The following LITAF variants were observed in gnomAD, a reference collection of about 807,000 sequenced individuals.
LITAF encodes lipopolysaccharide induced TNF factor, also known as lipopolysaccharide-induced tumor necrosis factor-alpha factor.
Under a neutral mutation model 14.5 loss-of-function variants are expected in LITAF, and 9 were observed. The observed-to-expected ratio is 0.62, with a 90% CI of 0.37 to 1.08. LITAF has a LOEUF of 1.08. Ranked by LOEUF, LITAF falls within the 50% of genes least tolerant of loss-of-function variation. LITAF has a pLI of 0.01. For synonymous variants in LITAF, 98 were observed against 88.2 expected, an observed-to-expected ratio of 1.11 and a Z score of -0.62; for missense variants, 206 against 213.4, an observed-to-expected ratio of 0.97 and a Z score of 0.22.
intron 1 of LITAF, among the ~76,000 whole-genome samples, chr16:11,563,926 A>C (rs1019908796): frequency 6.6e-6 from 1 of 152,146 alleles, no homozygotes; most frequent in Non-Finnish European, 1.5e-5. Flanking sequence ...TTTTTGTTTG[A>C]GACAGAGTCT....
intron 1 of LITAF, among the ~76,000 whole-genome samples, chr16:11,592,367 G>C (rs764236275): frequency 6.6e-6 from 1 of 152,138 alleles, no homozygotes; most frequent in Non-Finnish European, 1.5e-5. Flanking sequence ...CCAGAGGTCA[G>C]GAGTTTGAGA....
chr16:11,612,561 G>A (rs759617023), intron 3 of LITAF, among the ~76,000 whole-genome samples: 1 of 152,198 alleles, frequency 6.6e-6, no homozygotes, highest in African/African-American at 2.4e-5. Context: ...GGGCGGCCAG[G>A]GCCGGCCCAG....
At chr16:11,596,825 G>A (rs1385697682) in intron 1 of LITAF, among the ~76,000 whole-genome samples, 1 of 148,378 alleles carries the variant, frequency 6.7e-6, no homozygotes, top group Non-Finnish European at 1.5e-5. Context: ...AGAGGGGGAG[G>A]AGGAGGAGGT....
At chr16:11,554,839 A>T (rs2141708076) in intron 2 of LITAF, among the ~76,000 whole-genome samples, 1 of 151,848 alleles carries the variant, frequency 6.6e-6, no homozygotes, top group East Asian at 1.9e-4. Context: ...GAAAATCATC[A>T]AGCACTTCAG....
upstream of LITAF, among the ~76,000 whole-genome samples, chr16:11,601,322 C>T (rs1028102109): frequency 2.6e-5 from 4 of 151,702 alleles, no homozygotes; most frequent in African/African-American, 7.3e-5. Flanking sequence ...CCTCCCTCCT[C>T]CACCCTGAAC....
intron 1 of LITAF, among the ~76,000 whole-genome samples, chr16:11,592,963 G>T (rs1442240814): frequency 6.6e-6 from 1 of 152,176 alleles, no homozygotes; most frequent in Admixed American, 6.5e-5. Flanking sequence ...GAGGTCAGGA[G>T]ATCGAGACCA....
At chr16:11,579,979 C>T (rs1267211706) in intron 1 of LITAF, among the ~76,000 whole-genome samples, 1 of 152,074 alleles carries the variant, frequency 6.6e-6, no homozygotes, top group East Asian at 1.9e-4. Context: ...CCCTTTGATA[C>T]AATAAATTGA....
At chr16:11,639,523 T>C (rs2065156011), upstream of LITAF, among the ~76,000 whole-genome samples, 1 of 152,064 alleles carries the variant, frequency 6.6e-6, no homozygotes, top group Non-Finnish European at 1.5e-5. Flanking sequence ...CAAAATGTTA[T>C]CTGGGTGATG....
intron 3 of LITAF, among the ~76,000 whole-genome samples, chr16:11,619,559 T>C (rs2065037699): frequency 6.6e-6 from 1 of 150,528 alleles, no homozygotes; most frequent in Non-Finnish European, 1.5e-5. Flanking sequence ...TATTCTACTT[T>C]CCCACTTTGT....
chr16:11,602,165 C>A (rs114974254), upstream of LITAF, among the ~76,000 whole-genome samples: 1 of 152,046 alleles, frequency 6.6e-6, no homozygotes, highest in Non-Finnish European at 1.5e-5. Context: ...AGTTCGAGAC[C>A]AGCCAACATA....
At chr16:11,575,331 G>T (rs879719106) in intron 1 of LITAF, 5 of 152,294 alleles carry the variant, frequency 3.3e-5, no homozygotes, top group African/African-American at 1.2e-4. Context: ...TCCTAGGAGC[G>T]AGTGGAGGAT....
chr16:11,550,868 A>G (rs1597326186), intron 3 of LITAF, among the ~76,000 whole-genome samples: 1 of 152,180 alleles, frequency 6.6e-6, no homozygotes, highest in Admixed American at 6.5e-5. Flanking sequence ...GAATGAGAAG[A>G]CAGCCACAGA....
intron 1 of LITAF, among the ~76,000 whole-genome samples, chr16:11,566,743 G>A (rs890236896): frequency 2.6e-5 from 4 of 151,974 alleles, no homozygotes; most frequent in Non-Finnish European, 5.9e-5. Flanking sequence ...CTGCAATTCA[G>A]CCTGGGCAGG....
At chr16:11,626,175 A>G (rs1292050929) in intron 3 of LITAF, among the ~76,000 whole-genome samples, 3 of 152,114 alleles carry the variant, frequency 2.0e-5, no homozygotes, top group Non-Finnish European at 4.4e-5. Context: ...TTAAAAAAAC[A>G]AAACGAACAA....
At chr16:11,588,210 AGGG>A (rs35030152), upstream of LITAF, among the ~76,000 whole-genome samples, 1 of 152,142 alleles carries the variant, frequency 6.6e-6, no homozygotes, top group Non-Finnish European at 1.5e-5. Context: ...TAAAATATGA[AGGG>A]GGCGGGTGCA....
At chr16:11,579,646 C>T (rs1426700723) in intron 1 of LITAF, among the ~76,000 whole-genome samples, 2 of 152,138 alleles carry the variant, frequency 1.3e-5, no homozygotes, top group Admixed American at 1.3e-4. Flanking sequence ...AACATACCCT[C>T]ATCAGTTTCT....
chr16:11,618,720 C>G (rs905629557), intron 3 of LITAF, among the ~76,000 whole-genome samples: 2 of 152,136 alleles, frequency 1.3e-5, no homozygotes, highest in African/African-American at 4.8e-5. Context: ...CGCGGGGGCT[C>G]ACACCTGTAA....
intron 1 of LITAF, among the ~76,000 whole-genome samples, chr16:11,593,290 A>G (rs2141853161): frequency 7.1e-6 from 1 of 141,224 alleles, no homozygotes; most frequent in Middle Eastern, 3.7e-3. Flanking sequence ...CAGGAGGCAG[A>G]TGTTGCAGTG....
upstream of LITAF, among the ~76,000 whole-genome samples, chr16:11,589,914 A>G (rs376227186): frequency 0.016 from 891 of 55,812 alleles, 32 homozygotes; most frequent in African/African-American, 0.035. Flanking sequence ...GTGAGGCACC[A>G]CACCCAGCCA....
Sources: gnomAD v4.1 joint callset for allele counts (sites outside exome capture counted in the v4.1 genomes callset) on GRCh38, gnomAD v4.1.1 for gene constraint, MANE v1.5 for transcripts, NCBI Gene and HGNC (gene_info 2026-07-23, HGNC 2026-07-21) for gene names.